The following SNX13 variants were observed in gnomAD, a reference collection of about 807,000 sequenced individuals.
SNX13 encodes sorting nexin-13.
A neutral mutation model predicts 133.6 loss-of-function variants in SNX13; 45 were observed. That is an observed-to-expected ratio of 0.34 (90% CI 0.27 to 0.43). The LOEUF is 0.43. SNX13 is among the 20% of genes least tolerant of loss of function. SNX13 has a pLI of 1.00. For missense variants in SNX13, 1,032 were observed against 1,145.1 expected, an observed-to-expected ratio of 0.90 and a Z score of 1.43; for synonymous variants, 414 against 373.9, an observed-to-expected ratio of 1.11 and a Z score of -1.24.
intron 1 of SNX13, among the ~76,000 whole-genome samples, chr7:17,901,061 C>T (rs1380989543): frequency 1.3e-5 from 2 of 152,118 alleles, no homozygotes; most frequent in Non-Finnish European, 2.9e-5. Context: ...AGGTCCTTCC[C>T]TTCAAAGCAG....
chr7:17,799,080 C>G lies in SNX13; in HGVS notation c.2373G>C (p.Gln791His). The G allele has an allele frequency of 8.1e-6, 13 of 1,610,990 alleles. No individual in the cohort carries two copies. The highest frequency in any genetic ancestry group is 1.1e-5 in the Non-Finnish European group (13 of 1,178,060). Residue 791 changes from glutamine to histidine, a missense_variant, in exon 23 of 26, where the codon CAG becomes CAC. Coordinates refer to ENST00000428135, the MANE Select transcript of SNX13 (RefSeq NM_015132.5). ...GGTTTTTGATATTCCTTCGCAACCA[C>G]TGATTTCTTTCTTTTAAGTCGAATA... ...DEVFDLKERN[Q>H]WLRRNIKNLL...
chr7:17,842,454 C>T (rs141437843), intron 12 of SNX13, among the ~76,000 whole-genome samples: 1 of 151,908 alleles, frequency 6.6e-6, no homozygotes, highest in Admixed American at 6.6e-5. Flanking sequence ...GCAAAATGTG[C>T]TGAAGGGTAA....
chr7:17,931,911 T>G (rs1470137102), intron 1 of SNX13, among the ~76,000 whole-genome samples: 1 of 152,212 alleles, frequency 6.6e-6, no homozygotes, highest in African/African-American at 2.4e-5. Flanking sequence ...GACATAACAG[T>G]ACTCTGTCTC....
At chr7:17,872,552 A>G (rs1023012336) in intron 8 of SNX13, among the ~76,000 whole-genome samples, 2 of 152,312 alleles carry the variant, frequency 1.3e-5, no homozygotes, top group African/African-American at 4.8e-5. Flanking sequence ...TTAACAATAT[A>G]CAGTTAATGT....
intron 20 of SNX13, among the ~76,000 whole-genome samples, chr7:17,805,250 T>TGTGTGTGTGCGCGCGCGCGC: frequency 3.9e-4 from 37 of 95,550 alleles, no homozygotes; most frequent in Admixed American, 1.6e-3. Context: ...TGTGTGTGTG[T>TGTGTGTGTGCGCGCGCGCGC]GCGTGCGCGC....
chr7:17,854,284 A>C (rs1791612217), intron 9 of SNX13, among the ~76,000 whole-genome samples: 1 of 152,224 alleles, frequency 6.6e-6, no homozygotes, highest in Non-Finnish European at 1.5e-5. Context: ...TGAGGTGATA[A>C]AGTACTGCCC....
intron 20 of SNX13, among the ~76,000 whole-genome samples, chr7:17,814,079 C>A (rs1437162037): frequency 1.3e-5 from 2 of 152,142 alleles, no homozygotes; most frequent in Non-Finnish European, 2.9e-5. Flanking sequence ...CAGCTTCCCC[C>A]ACTGCTCCTC....
intron 15 of SNX13, chr7:17,830,559 G>A: frequency 2.0e-6 from 2 of 983,262 alleles, no homozygotes; most frequent in Non-Finnish European, 2.4e-6. Flanking sequence ...AACACTGGAA[G>A]TCCAGATTTT....
At chr7:17,885,428 T>C (rs1436861253) in intron 5 of SNX13, among the ~76,000 whole-genome samples, 1 of 152,214 alleles carries the variant, frequency 6.6e-6, no homozygotes, top group East Asian at 1.9e-4. Context: ...TGATGAAAGC[T>C]GTACAATGCT....
At chr7:17,921,100 T>A (rs540805383) in intron 1 of SNX13, among the ~76,000 whole-genome samples, 3 of 152,122 alleles carry the variant, frequency 2.0e-5, no homozygotes, top group Non-Finnish European at 4.4e-5. Context: ...AGGGCTCTCC[T>A]TAGATCTTGC....
intron 8 of SNX13, among the ~76,000 whole-genome samples, chr7:17,869,777 T>G (rs1242570087): frequency 6.6e-6 from 1 of 152,132 alleles, no homozygotes; most frequent in Non-Finnish European, 1.5e-5. Context: ...TCTTCAAAAT[T>G]GTATTTACGT....
chr7:17,822,958 C>G (rs925162596), intron 17 of SNX13, among the ~76,000 whole-genome samples: 2 of 152,104 alleles, frequency 1.3e-5, no homozygotes, highest in Non-Finnish European at 2.9e-5. Flanking sequence ...CTTGACATTT[C>G]TTGTTTTTCT....
intron 5 of SNX13, among the ~76,000 whole-genome samples, chr7:17,884,893 C>G (rs1032371476): frequency 2.0e-5 from 3 of 152,114 alleles, no homozygotes; most frequent in African/African-American, 7.2e-5. Flanking sequence ...CAAAGAGGAG[C>G]CTTCATACAC....
chr7:17,928,122 C>G (rs1185385633), intron 1 of SNX13, among the ~76,000 whole-genome samples: 1 of 152,166 alleles, frequency 6.6e-6, no homozygotes, highest in Admixed American at 6.5e-5. Context: ...AAGCTAGATC[C>G]TCAATGCATG....
intron 2 of SNX13, among the ~76,000 whole-genome samples, chr7:17,894,155 T>G (rs2127996001): frequency 6.6e-6 from 1 of 151,470 alleles, no homozygotes; most frequent in Non-Finnish European, 1.5e-5. Flanking sequence ...ACACAAAAAT[T>G]AGCTGGGTGT....
chr7:17,910,536 A>C (rs2128018367), intron 1 of SNX13, among the ~76,000 whole-genome samples: 1 of 152,330 alleles, frequency 6.6e-6, no homozygotes, highest in South Asian at 2.1e-4. Flanking sequence ...CAGAATTATG[A>C]TATGACTCAG....
At chr7:17,901,380 C>T (rs960897459) in intron 1 of SNX13, among the ~76,000 whole-genome samples, 1 of 152,110 alleles carries the variant, frequency 6.6e-6, no homozygotes, top group African/African-American at 2.4e-5. Flanking sequence ...CCAGGACTCG[C>T]CCAGGAATTG....
intron 1 of SNX13, among the ~76,000 whole-genome samples, chr7:17,929,442 A>T (rs1303302266): frequency 6.6e-6 from 1 of 152,078 alleles, no homozygotes; most frequent in East Asian, 1.9e-4. Flanking sequence ...TATCAGCACA[A>T]ATTTTATTTG....
At chr7:17,916,875 G>C (rs1307929997) in intron 1 of SNX13, among the ~76,000 whole-genome samples, 1 of 152,008 alleles carries the variant, frequency 6.6e-6, no homozygotes, top group Non-Finnish European at 1.5e-5. Context: ...GAAAACTATA[G>C]GCCAATATCC....
Sources: allele counts gnomAD v4.1 joint callset (sites outside exome capture counted in the v4.1 genomes callset), GRCh38; gene constraint gnomAD v4.1.1; transcripts MANE v1.5; gene names NCBI Gene and HGNC (gene_info 2026-07-23, HGNC 2026-07-21).